Variants in ELAPOR2 observed in about 807,000 individuals in gnomAD.
ELAPOR2 encodes the protein endosome-lysosome associated apoptosis and autophagy regulator family member 2.
A neutral mutation model predicts 120.7 loss-of-function variants in ELAPOR2; 89 were observed. That is an observed-to-expected ratio of 0.74 (90% CI 0.62 to 0.88). The LOEUF is 0.88. Among genes scored for constraint, ELAPOR2 ranks in the 40% least tolerant of loss-of-function variants. The pLI is 0.00. For missense variants in ELAPOR2, 1,134 were observed against 1,251.6 expected (o/e 0.91, Z 1.42); for synonymous variants, 444 against 444.9 (o/e 1.00, Z 0.03).
chr7:87,058,484 G>A (rs1208196696), intron 1 of ELAPOR2, among the ~76,000 whole-genome samples: 1 of 152,024 alleles, frequency 6.6e-6, no homozygotes, highest in East Asian at 1.9e-4. Flanking sequence ...ACACTAAATG[G>A]AAAGATAAAC....
At position 86,919,310 on chromosome 7, in the gene ELAPOR2, C is replaced by T. The variant is rs745625774; in HGVS notation, c.1400G>A (p.Gly467Asp). ...VGNSKCDGMN[G>D]WEVAGDHIQS... ...GATATGATCTCCAGCCACCTCCCAA[C>T]CTAGAAGTAATAAAAGTCATTTTTA... Residue 467 changes from glycine (G) to aspartate (D), a missense_variant and splice_region_variant, in exon 11 of 22, where the codon GGT becomes GAT. Physicochemically the swap from Gly to Asp is moderately conservative, Grantham distance 94. This residue lies in a region of ELAPOR2 where 831 missense variants were observed against 867.6 expected (regional missense o/e 0.96). Coordinates refer to ENST00000450689, the MANE Select transcript of ELAPOR2 (RefSeq NM_001142749.3). The T allele has an allele frequency of 3.1e-6, 5 of 1,590,648 alleles. No homozygotes were observed. Among genetic ancestry groups the T allele is most frequent in the Non-Finnish European group, 4.3e-6 (5 of 1,165,484 alleles).
At chr7:87,004,321 C>T (rs1793406339) in intron 1 of ELAPOR2, among the ~76,000 whole-genome samples, 1 of 152,186 alleles carries the variant, frequency 6.6e-6, no homozygotes, top group Non-Finnish European at 1.5e-5. Flanking sequence ...AACACCAGAG[C>T]AGAGAACAGG....
intron 1 of ELAPOR2, among the ~76,000 whole-genome samples, chr7:87,011,921 C>G (rs1166701570): frequency 4.6e-5 from 7 of 151,992 alleles, no homozygotes; most frequent in Non-Finnish European, 8.8e-5. Context: ...TTTAAGTTTT[C>G]TAGTAGTCAC....
rs761828805 is a variant in ELAPOR2 at position 86,909,917 on chromosome 7, A to G, written c.2254T>C (p.Leu752=). The stretch of plus-strand genomic sequence containing the variant: ...GACTGGCATACAAATGCCCCTACCA[A>G]ATTTGTGTAATCATCTGACCCTGCC... ...IVAGSDDYTN[L]VGAFVCQSTI... Residue 752 remains leucine, a synonymous_variant, in exon 16 of 22, where the codon TTG becomes CTG. Coordinates refer to ENST00000450689, the MANE Select transcript of ELAPOR2 (RefSeq NM_001142749.3). 90 of 1,613,152 alleles carry G rather than the reference A, an allele frequency of 5.6e-5. No homozygotes were observed. The highest frequency in any genetic ancestry group is 7.5e-5 in the Non-Finnish European group (89 of 1,179,476).
chr7:86,942,101 G>T lies in ELAPOR2; in HGVS notation c.658C>A (p.Gln220Lys). The T allele has an allele frequency of 6.5e-7, 1 of 1,537,560 alleles. No individual in the cohort carries two copies. The highest frequency in any genetic ancestry group is 8.8e-7 in the Non-Finnish European group (1 of 1,134,512). Residue 220 changes from glutamine to lysine, a missense_variant, in exon 5 of 22, where the codon CAA becomes AAA. Physicochemically the swap from Gln to Lys is moderately conservative, Grantham distance 53. Transcript: ENST00000450689. Reference protein sequence around the residue: ...DNNIFFEFFIQNDQCQEMDTT... With the variant: ...DNNIFFEFFIKNDQCQEMDTT... The stretch of plus-strand genomic sequence containing the variant: ...TCCATCTCCTGGCACTGATCATTTT[G>T]AATCTGTGGATTAAACACAAGAGCC...
chr7:87,043,494 G>C (rs998302406), intron 1 of ELAPOR2, among the ~76,000 whole-genome samples: 6 of 151,572 alleles, frequency 4.0e-5, no homozygotes, highest in African/African-American at 1.5e-4. Flanking sequence ...CATATAAACA[G>C]AGCCAAAGAC....
At chr7:87,006,235 C>T (rs899588031) in intron 1 of ELAPOR2, among the ~76,000 whole-genome samples, 1 of 152,100 alleles carries the variant, frequency 6.6e-6, no homozygotes, top group Non-Finnish European at 1.5e-5. Context: ...CCAATACACA[C>T]ATTAAAAAGT....
At chr7:86,930,262 A>G (rs1790269425) in intron 8 of ELAPOR2, among the ~76,000 whole-genome samples, 1 of 151,998 alleles carries the variant, frequency 6.6e-6, no homozygotes, top group Admixed American at 6.6e-5. Flanking sequence ...CTATATCTCA[A>G]TAAAGCTGCT....
chr7:86,964,900 A>T lies in ELAPOR2; in HGVS notation c.310+4T>A, dbSNP rs963591742. ...AAACAAATGGTCAAAATGACAAAAC[A>T]TACTGCATTCTTTGCCTCTCACTGG... On this transcript the variant is annotated splice_donor_region_variant and intron_variant, in intron 2 of 21. Coordinates refer to ENST00000450689, the MANE Select transcript of ELAPOR2 (RefSeq NM_001142749.3). 1.9e-6 allele frequency: 3 copies of T among 1,551,350 alleles called. No individual in the cohort carries two copies. Among genetic ancestry groups the T allele is most frequent in the Non-Finnish European group, 2.6e-6 (3 of 1,146,830 alleles).
chr7:87,011,183 G>A (rs1160310652), intron 1 of ELAPOR2, among the ~76,000 whole-genome samples: 2 of 147,900 alleles, frequency 1.4e-5, no homozygotes, highest in East Asian at 2.0e-4. Context: ...CAGGAGAATC[G>A]CTTGAACACG....
At chr7:86,880,551 C>G (rs773129225) in intron 21 of ELAPOR2, 21 bp from the exon 22 acceptor site, 1 of 1,438,744 alleles carries the variant, frequency 7.0e-7, no homozygotes, top group Non-Finnish European at 9.8e-7. Flanking sequence ...ATATTAAAGA[C>G]AAAATCAACT....
chr7:87,034,886 CA>C (rs948406972), intron 1 of ELAPOR2, among the ~76,000 whole-genome samples: 33 of 152,198 alleles, frequency 2.2e-4, no homozygotes, highest in African/African-American at 7.7e-4. Context: ...AATTCGAGAC[CA>C]ACCTGGCCAA....
intron 1 of ELAPOR2, among the ~76,000 whole-genome samples, chr7:87,008,731 C>T (rs1387297408): frequency 6.6e-6 from 1 of 152,076 alleles, no homozygotes; most frequent in Non-Finnish European, 1.5e-5. Flanking sequence ...TGATGAAGGG[C>T]CATAATGTCT....
chr7:86,988,018 TA>T (rs764874204), intron 1 of ELAPOR2, among the ~76,000 whole-genome samples: 1 of 152,012 alleles, frequency 6.6e-6, no homozygotes, highest in Non-Finnish European at 1.5e-5. Context: ...TATGCAGCCA[TA>T]AAAAAGGATG....
rs149988819 is a variant in ELAPOR2 at position 86,974,913 on chromosome 7, T to C, written c.190-9889A>G. Among the ~76,000 whole-genome samples the C allele has an allele frequency of 2.3e-3, 349 of 152,254 alleles. 3 individuals carry two copies. Among genetic ancestry groups the C allele is most frequent in the African/African-American group, 8.0e-3 (334 of 41,546 alleles). On this transcript the variant is annotated intron_variant, in intron 1 of 21. Coordinates refer to ENST00000450689, the MANE Select transcript of ELAPOR2 (RefSeq NM_001142749.3). Reference sequence around the variant, plus strand: ...AGTCTAAATCACTTTCCCTGATGGGTGACATTCACCTAGCAAGGCTTTAAA... The same window carrying C: ...AGTCTAAATCACTTTCCCTGATGGGCGACATTCACCTAGCAAGGCTTTAAA...
intron 1 of ELAPOR2, among the ~76,000 whole-genome samples, chr7:87,021,133 G>C (rs560109391): frequency 6.6e-6 from 1 of 152,198 alleles, no homozygotes; most frequent in African/African-American, 2.4e-5. Flanking sequence ...GTAAGTGATA[G>C]AACTGGGATT....
At chr7:86,905,030 A>AATGG in intron 18 of ELAPOR2, among the ~76,000 whole-genome samples, 1 of 151,186 alleles carries the variant, frequency 6.6e-6, no homozygotes, top group South Asian at 2.1e-4. Flanking sequence ...TGAATGAATG[A>AATGG]ATGGATGAAT....
Position 87,004,863 on chromosome 7 carries a change from C to A in ELAPOR2, c.190-39839G>T, listed in dbSNP as rs369523999. On this transcript the variant is annotated intron_variant, in intron 1 of 21. Transcript: ENST00000450689. ...TATCTTTCTCTAAAGAATATCAGAC[C>A]CCAAAGAAAATTGCTAACCCTGGGA... 4.0e-4 allele frequency among the ~76,000 whole-genome samples: 61 copies of A among 152,008 alleles called. 1 individual carries two copies. The East Asian group carries it at 0.01, about 25-fold the overall frequency.
intron 1 of ELAPOR2, among the ~76,000 whole-genome samples, chr7:87,052,767 GTTTGTTTTCTTTTGT>G (rs1389131572): frequency 1.9e-5 from 2 of 102,710 alleles, no homozygotes; most frequent in African/African-American, 6.0e-5. Flanking sequence ...TGATCACAGG[GTTTGTTTTCTTTTGT>G]TTTGTTTTGT....
Sources: gnomAD v4.1 joint callset for allele counts (sites outside exome capture counted in the v4.1 genomes callset) on GRCh38, gnomAD v4.1.1 for gene constraint, gnomAD v4.1.1 regional missense constraint, MANE v1.5 for transcripts, NCBI Gene and HGNC (gene_info 2026-07-23, HGNC 2026-07-21) for gene names.